ADGRV1: variants seen among roughly 807,000 people sequenced by gnomAD.
ADGRV1 encodes G-protein coupled receptor 98.
ADGRV1 carries 359 observed loss-of-function variants against 596.2 expected under a neutral mutation model. The ratio of observed to expected loss-of-function variants is 0.60; its 90% CI spans 0.55 to 0.66. The LOEUF (loss-of-function observed/expected upper bound fraction) is 0.66. Among genes scored for constraint, ADGRV1 ranks in the 30% least tolerant of loss-of-function variants. ADGRV1 has a pLI of 0.00. For synonymous variants in ADGRV1, 2,681 were observed against 2,679.2 expected, an observed-to-expected ratio of 1.00 and a Z score of -0.02; for missense variants, 7,274 against 7,575.6, an observed-to-expected ratio of 0.96 and a Z score of 1.48.
Position 91,027,144 on chromosome 5 carries a change from AACACACAC to A in ADGRV1, c.18152+41661_18152+41668del, listed in dbSNP as rs1184010778. ...GCAACAGAGCAAAACACAGTCTCAA[AACACACAC>A]ACACACACACACACACACACACACA... On this transcript the variant is annotated intron_variant, in intron 85 of 89. Transcript: ENST00000405460. 3.8e-3 allele frequency among the ~76,000 whole-genome samples: 490 copies of A among 129,216 alleles called. 2 individuals carry two copies. The highest frequency in any genetic ancestry group is 7.5e-3 in the Middle Eastern group (2 of 268). 84.8% of individuals were successfully genotyped at this position (129,216 alleles called of 152,430 possible). A position where few individuals can be genotyped will look rare whatever the true frequency, so the allele number is the denominator to read the frequency against.
intron 83 of ADGRV1, among the ~76,000 whole-genome samples, chr5:90,908,736 G>A (rs1425812623): frequency 1.3e-5 from 2 of 152,022 alleles, no homozygotes; most frequent in African/African-American, 2.4e-5. Flanking sequence ...AGGGACTCTC[G>A]GAAGCATTTA....
intron 27 of ADGRV1, among the ~76,000 whole-genome samples, chr5:90,681,732 G>A (rs1335325910): frequency 6.6e-6 from 1 of 151,912 alleles, no homozygotes; most frequent in East Asian, 1.9e-4. Flanking sequence ...ATAGATTTTT[G>A]TGTTTGTTCA....
chr5:90,996,538 C>T (rs1781432848), intron 85 of ADGRV1, among the ~76,000 whole-genome samples: 1 of 152,172 alleles, frequency 6.6e-6, no homozygotes, highest in South Asian at 2.1e-4. Flanking sequence ...GTAGGACCCT[C>T]ATGGAGAACC....
At chr5:91,052,380 G>C (rs1786420072) in intron 85 of ADGRV1, among the ~76,000 whole-genome samples, 1 of 148,056 alleles carries the variant, frequency 6.8e-6, no homozygotes, top group Non-Finnish European at 1.5e-5. Context: ...GTAGTGTTTT[G>C]TTAATAGCAC....
chr5:90,745,528 C>G, intron 51 of ADGRV1, 63 bp from the exon 52 acceptor site: 2 of 1,084,808 alleles, frequency 1.8e-6, no homozygotes, highest in Non-Finnish European at 1.3e-6. Flanking sequence ...AATGAGTAGT[C>G]TACTATGTAT....
intron 85 of ADGRV1, among the ~76,000 whole-genome samples, chr5:91,030,101 T>A (rs1784350261): frequency 6.6e-6 from 1 of 152,138 alleles, no homozygotes; most frequent in African/African-American, 2.4e-5. Context: ...GTAAGCTCTC[T>A]CTTCTGTTCC....
chr5:90,662,247 G>C (rs531919117), intron 21 of ADGRV1, among the ~76,000 whole-genome samples: 121 of 141,676 alleles, frequency 8.5e-4, no homozygotes, highest in African/African-American at 3.2e-3. Context: ...AGGCTGGAGT[G>C]CAGTGATGCG....
chr5:90,778,846 G>C lies in ADGRV1; in HGVS notation c.12850-19G>C, dbSNP rs771389264. 1 of 1,584,528 alleles carries C rather than the reference G, an allele frequency of 6.3e-7. No individual in the cohort carries two copies. Among genetic ancestry groups the C allele is most frequent in the East Asian group, 2.2e-5 (1 of 44,508 alleles). On this transcript the variant is annotated intron_variant, in intron 63 of 89. Coordinates refer to ENST00000405460, the MANE Select transcript of ADGRV1 (RefSeq NM_032119.4). ...TAGATTAAACATCCAAATCAAATAAGAAAATGCATTTTGCATAGGTTAACA... is the reference window on the plus strand; with the variant it reads ...TAGATTAAACATCCAAATCAAATAACAAAATGCATTTTGCATAGGTTAACA...
chr5:90,867,528 G>T (rs1243004504), intron 83 of ADGRV1, among the ~76,000 whole-genome samples: 1 of 152,144 alleles, frequency 6.6e-6, no homozygotes, highest in East Asian at 1.9e-4. Context: ...CTTGCGAAAA[G>T]ATTCTGCTTT....
intron 79 of ADGRV1, among the ~76,000 whole-genome samples, chr5:90,851,102 G>GGTGTGTGTGTGT (rs371933419): frequency 0.024 from 1,218 of 50,328 alleles, 31 homozygotes; most frequent in African/African-American, 0.041. Flanking sequence ...AGCTAGGTAG[G>GGTGTGTGTGTGT]GTGTGTGTGT....
At chr5:90,989,755 C>G (rs1330638734) in intron 85 of ADGRV1, among the ~76,000 whole-genome samples, 1 of 152,128 alleles carries the variant, frequency 6.6e-6, no homozygotes, top group East Asian at 1.9e-4. Context: ...ATCATTCTTC[C>G]CACTCTCCTC....
chr5:90,904,237 C>G (rs763571373), intron 83 of ADGRV1, among the ~76,000 whole-genome samples: 2 of 152,124 alleles, frequency 1.3e-5, no homozygotes, highest in Non-Finnish European at 2.9e-5. Context: ...ATGCAGATAT[C>G]TCTTCAGTAT....
intron 85 of ADGRV1, among the ~76,000 whole-genome samples, chr5:91,053,005 G>A (rs948394439): frequency 2.6e-5 from 4 of 152,108 alleles, no homozygotes; most frequent in East Asian, 3.8e-4. Context: ...TTTTCAGGGC[G>A]TGGTGAATTA....
Position 90,815,608 on chromosome 5 carries a change from C to CT in ADGRV1, c.16079-4dup, listed in dbSNP as rs1561790154. ...CTTGAATATATTATAGCCCTCCATT[C>CT]TTTTTTTCAGGGAGTGACCTTCACA... On this transcript the variant is annotated splice_polypyrimidine_tract_variant and intron_variant, in intron 74 of 89. Transcript: ENST00000405460. The CT allele has an allele frequency of 4.2e-6, 6 of 1,442,316 alleles. No individual in the cohort carries two copies. The highest frequency in any genetic ancestry group is 5.7e-6 in the Non-Finnish European group (6 of 1,045,134). The allele number at this position is 1,442,316 out of a possible 1,614,324, so 89.3% of individuals were successfully genotyped here. A position where few individuals can be genotyped will look rare whatever the true frequency, so the allele number is the denominator to read the frequency against.
intron 86 of ADGRV1, among the ~76,000 whole-genome samples, chr5:91,092,121 G>A (rs1000799931): frequency 5.3e-5 from 8 of 151,972 alleles, no homozygotes; most frequent in Admixed American, 3.3e-4. Flanking sequence ...TTTTTTTTGA[G>A]ATAAAGTCTT....
In ADGRV1 at chr5:90,729,007, T is replaced by A. The variant is rs1402530920; in HGVS notation, c.10426+74T>A. ...TAGCATTCATATGGTATATTTTATA[T>A]GAAAATGCTCTTGCAATAATTTTTT... On this transcript the variant is annotated intron_variant, in intron 49 of 89. Transcript: ENST00000405460. 4.7e-6 allele frequency: 5 copies of A among 1,054,996 alleles called. No homozygotes were observed. The East Asian group carries it at 1.3e-4, about 27-fold the overall frequency. The allele number at this position is 1,054,996 out of a possible 1,614,324, so 65.4% of individuals were successfully genotyped here.
chr5:90,946,831 A>G (rs1776619102), intron 83 of ADGRV1, among the ~76,000 whole-genome samples: 1 of 152,142 alleles, frequency 6.6e-6, no homozygotes, highest in South Asian at 2.1e-4. Context: ...TTCATGGTAT[A>G]TATGTACCAC....
intron 70 of ADGRV1, 60 bp from the exon 71 acceptor site, chr5:90,802,679 C>T: frequency 6.6e-7 from 1 of 1,512,570 alleles, no homozygotes; most frequent in African/African-American, 1.4e-5. Context: ...TGGCTCAAGT[C>T]AAAGAACAGC....
intron 1 of ADGRV1, among the ~76,000 whole-genome samples, chr5:90,612,004 G>A (rs1762783664): frequency 6.6e-6 from 1 of 152,016 alleles, no homozygotes; most frequent in African/African-American, 2.4e-5. Flanking sequence ...GTGAAAAGAT[G>A]AAAGCAAAGG....
Sources: allele counts gnomAD v4.1 joint callset (sites outside exome capture counted in the v4.1 genomes callset), GRCh38; gene constraint gnomAD v4.1.1; transcripts MANE v1.5; gene names NCBI Gene and HGNC (gene_info 2026-07-23, HGNC 2026-07-21).